FAM135B: variants seen among roughly 807,000 people sequenced by gnomAD.
FAM135B encodes family with sequence similarity 135 member B.
FAM135B carries 43 observed loss-of-function variants against 127.7 expected under a neutral mutation model. The ratio of observed to expected loss-of-function variants is 0.34; its 90% CI spans 0.26 to 0.43. FAM135B has a LOEUF of 0.43. Ranked by LOEUF, FAM135B falls within the 20% of genes least tolerant of loss-of-function variation. The pLI is 1.00. For synonymous variants in FAM135B, 670 were observed against 665.1 expected (o/e 1.01, Z -0.11); for missense variants, 1,558 against 1,725.6 (o/e 0.90, Z 1.72).
intron 6 of FAM135B, among the ~76,000 whole-genome samples, 162 bp downstream of exon 6, chr8:138,250,679 T>A (rs970532457): frequency 1.1e-4 from 16 of 151,996 alleles, no homozygotes; most frequent in Non-Finnish European, 2.2e-4. Flanking sequence ...ACCTCCTCCT[T>A]CCTCTCTCGC....
intron 1 of FAM135B, among the ~76,000 whole-genome samples, chr8:138,465,948 T>A (rs1393369595): frequency 6.6e-6 from 1 of 152,004 alleles, no homozygotes; most frequent in Non-Finnish European, 1.5e-5. Flanking sequence ...CCCAGATAAC[T>A]TTTTTTTAGT....
At chr8:138,265,179 G>A (rs757429467) in intron 4 of FAM135B, among the ~76,000 whole-genome samples, 94 of 152,280 alleles carry the variant, frequency 6.2e-4, no homozygotes, top group Admixed American at 2.3e-3. Context: ...TCTGAGGCCA[G>A]CTCTTTTGTG....
At chr8:138,379,884 G>A (rs531980018) in intron 1 of FAM135B, among the ~76,000 whole-genome samples, 70 of 152,188 alleles carry the variant, frequency 4.6e-4, no homozygotes, top group Non-Finnish European at 8.8e-4. Flanking sequence ...TGCCAAGTCT[G>A]CCCCAGGAGC....
intron 1 of FAM135B, among the ~76,000 whole-genome samples, chr8:138,495,606 G>A (rs1202671211): frequency 6.6e-6 from 1 of 152,124 alleles, no homozygotes; most frequent in Non-Finnish European, 1.5e-5. Context: ...ATTATTCAGA[G>A]GCCTACTTAC....
intron 1 of FAM135B, among the ~76,000 whole-genome samples, chr8:138,389,684 AT>A (rs1160777566): frequency 6.6e-6 from 1 of 152,238 alleles, no homozygotes; most frequent in Admixed American, 6.5e-5. Context: ...GTGATTTCTC[AT>A]GCAAATAAGA....
At chr8:138,478,311 G>A (rs1814611135) in intron 1 of FAM135B, among the ~76,000 whole-genome samples, 1 of 152,034 alleles carries the variant, frequency 6.6e-6, no homozygotes. Context: ...TCTTTGCAAA[G>A]GTTCTTCTCT....
chr8:138,447,340 A>G (rs546294476), intron 1 of FAM135B, among the ~76,000 whole-genome samples: 3 of 152,184 alleles, frequency 2.0e-5, no homozygotes, highest in Admixed American at 2.0e-4. Flanking sequence ...ATGCTGCTAT[A>G]AAGACACATG....
At chr8:138,318,971 TC>T (rs1387652714) in intron 2 of FAM135B, among the ~76,000 whole-genome samples, 1 of 152,206 alleles carries the variant, frequency 6.6e-6, no homozygotes, top group Non-Finnish European at 1.5e-5. Context: ...TACTGTTTGA[TC>T]CCCATAGGAT....
At chr8:138,299,898 T>C (rs1302436768) in intron 3 of FAM135B, among the ~76,000 whole-genome samples, 1 of 152,194 alleles carries the variant, frequency 6.6e-6, no homozygotes, top group East Asian at 1.9e-4. Flanking sequence ...AATTTTAATA[T>C]AATTAAAATT....
At chr8:138,393,267 C>G (rs1563964179) in intron 1 of FAM135B, among the ~76,000 whole-genome samples, 1 of 152,112 alleles carries the variant, frequency 6.6e-6, no homozygotes. Context: ...CAAACCACAT[C>G]AGGTGTTTCT....
At chr8:138,193,254 G>A (rs566840930) in intron 9 of FAM135B, among the ~76,000 whole-genome samples, 4 of 152,240 alleles carry the variant, frequency 2.6e-5, no homozygotes, top group African/African-American at 9.6e-5. Flanking sequence ...AGGGGCTATA[G>A]AAAGATTAAA....
chr8:138,360,597 G>T (rs1830358421), intron 2 of FAM135B, among the ~76,000 whole-genome samples: 2 of 152,204 alleles, frequency 1.3e-5, no homozygotes, highest in African/African-American at 4.8e-5. Flanking sequence ...GCAAAGAGAG[G>T]CTGAGATTAC....
chr8:138,188,226 C>T (rs207469998), intron 9 of FAM135B, among the ~76,000 whole-genome samples: 4 of 152,186 alleles, frequency 2.6e-5, no homozygotes, highest in Non-Finnish European at 5.9e-5. Context: ...AAAGGGCTTC[C>T]TGAGTTCTCT....
Position 138,131,239 on chromosome 8 carries a change from C to T in FAM135B, c.*1354G>A, listed in dbSNP as rs1816196346. The stretch of plus-strand genomic sequence containing the variant: ...GAAGGGATTTTTGCAGAAGCAGGAG[C>T]TTTCATCTCCAAAAGATTAGGCTCC... On this transcript the variant is annotated 3_prime_UTR_variant, in exon 20 of 20. Coordinates refer to ENST00000395297, the MANE Select transcript of FAM135B (RefSeq NM_015912.4). 1 of 152,176 alleles carries T rather than the reference C, an allele frequency of 6.6e-6. No individual in the cohort carries two copies. The highest frequency in any genetic ancestry group is 2.4e-5 in the African/African-American group (1 of 41,434). The allele number at this position is 152,176 out of a possible 1,614,324, so 9.4% of individuals were successfully genotyped here. A position where few individuals can be genotyped will look rare whatever the true frequency, so the allele number is the denominator to read the frequency against.
intron 9 of FAM135B, among the ~76,000 whole-genome samples, chr8:138,186,823 C>T (rs1408626626): frequency 6.6e-6 from 1 of 152,218 alleles, no homozygotes; most frequent in Non-Finnish European, 1.5e-5. Context: ...TGCGTCCTAA[C>T]CCCTGAATCT....
chr8:138,356,472 A>G lies in FAM135B; in HGVS notation c.77+11435T>C, dbSNP rs1034267805. Among the ~76,000 whole-genome samples the G allele has an allele frequency of 2.6e-5, 4 of 152,138 alleles. No individual in the cohort carries two copies. The East Asian group carries it at 5.8e-4, about 22-fold the overall frequency. On this transcript the variant is annotated intron_variant, in intron 2 of 19. Coordinates refer to ENST00000395297, the MANE Select transcript of FAM135B (RefSeq NM_015912.4). The stretch of plus-strand genomic sequence containing the variant: ...CAATATTCCTTGTAGAATTGTGAGA[A>G]TTACATGAGGTTATTTGTAATAACA...
At chr8:138,439,634 TACTGTAGTGCCAGAACTTTCC>T (rs1389913928) in intron 1 of FAM135B, 1 of 152,216 alleles carries the variant, frequency 6.6e-6, no homozygotes, top group Non-Finnish European at 1.5e-5. Context: ...AAGAACTTTC[TACTGTAGTGCCAGAACTTTCC>T]ACTGTTACTG....
At chr8:138,398,197 A>G (rs1832953551) in intron 1 of FAM135B, among the ~76,000 whole-genome samples, 1 of 152,202 alleles carries the variant, frequency 6.6e-6, no homozygotes, top group Non-Finnish European at 1.5e-5. Context: ...ATCAGAGCCC[A>G]GAGGAGTTAT....
chr8:138,155,888 G>A (rs1022452202), intron 12 of FAM135B, among the ~76,000 whole-genome samples: 3 of 152,116 alleles, frequency 2.0e-5, no homozygotes, highest in Admixed American at 6.5e-5. Flanking sequence ...ACAGATGAAC[G>A]AGACAGAAAG....
Sources: gnomAD v4.1 joint callset for allele counts (sites outside exome capture counted in the v4.1 genomes callset) on GRCh38, gnomAD v4.1.1 for gene constraint, MANE v1.5 for transcripts, NCBI Gene and HGNC (gene_info 2026-07-23, HGNC 2026-07-21) for gene names.